GIMAP1: variants seen among roughly 807,000 people sequenced by gnomAD.
GIMAP1 encodes the protein GTPase IMAP family member 1.
For synonymous variants in GIMAP1, 230 were observed against 187.7 expected, an observed-to-expected ratio of 1.23 and a Z score of -1.84; for missense variants, 423 against 411.9, an observed-to-expected ratio of 1.03 and a Z score of -0.23.
At position 150,720,373 on chromosome 7, in the gene GIMAP1, G is replaced by A. The variant is rs995464428; in HGVS notation, c.369G>A (p.Arg123=). 1 of 1,605,210 alleles carries A rather than the reference G, an allele frequency of 6.2e-7. No homozygotes were observed. The highest frequency in any genetic ancestry group is 1.3e-5 in the African/African-American group (1 of 74,928). ...HALLLVTQLG[R]FTAQDQQAVR... ...TGCTCCTGGTGACCCAGTTGGGTCG[G>A]TTCACCGCCCAGGACCAGCAGGCGG... Residue 123 remains arginine (R), a synonymous_variant, in exon 3 of 3, where the codon CGG becomes CGA. Coordinates refer to ENST00000307194, the MANE Select transcript of GIMAP1 (RefSeq NM_130759.4). The surrounding 1 kb of genome is among the most constrained non-coding windows in gnomAD (Gnocchi z 4.5).
intron 2 of GIMAP1, among the ~76,000 whole-genome samples, 157 bp from the exon 3 acceptor site, chr7:150,719,891 G>T (rs1797270347): frequency 6.6e-6 from 1 of 152,254 alleles, no homozygotes; most frequent in African/African-American, 2.4e-5. Context: ...ATCTACTGGT[G>T]CAGGCAGACA....
chr7:150,720,493 C>G lies in GIMAP1; in HGVS notation c.489C>G (p.His163Gln), dbSNP rs142477944. ...RKEDLAGGSL[H>Q]DYVSNTENRA... The stretch of plus-strand genomic sequence containing the variant: ...AGGACCTGGCCGGGGGCTCCCTGCA[C>G]GATTACGTGAGCAACACAGAGAACC... The change falls in exon 3 of 3, where the codon CAC (histidine) becomes CAG (glutamine). Residue 163 changes from histidine (H) to glutamine (Q), a missense_variant. His to Gln is a conservative substitution (Grantham distance 24). Transcript: ENST00000307194. The surrounding 1 kb of genome is among the most constrained non-coding windows in gnomAD (Gnocchi z 4.5). The G allele has an allele frequency of 1.9e-6, 3 of 1,582,144 alleles. No homozygotes were observed. Among genetic ancestry groups the G allele is most frequent in the Non-Finnish European group, 2.6e-6 (3 of 1,163,720 alleles).
chr7:150,723,040 T>A lies in GIMAP1; in HGVS notation c.*2115T>A, dbSNP rs1797330829. ...CTCAGTAATAAAAAGTAGTAGTATA[T>A]GGTTAATTGTCAAATACATTTGCAA... On this transcript the variant is annotated 3_prime_UTR_variant, in exon 3 of 3. Coordinates refer to ENST00000307194, the MANE Select transcript of GIMAP1 (RefSeq NM_130759.4). 6.6e-6 allele frequency: 1 copy of A among 152,204 alleles called. No individual in the cohort carries two copies. The allele number at this position is 152,204 out of a possible 1,614,324, so 9.4% of individuals were successfully genotyped here.
In GIMAP1 at chr7:150,719,101, A is replaced by C; in HGVS notation, c.43+11A>C. On this transcript the variant is annotated intron_variant, in intron 2 of 2. Coordinates refer to ENST00000307194, the MANE Select transcript of GIMAP1 (RefSeq NM_130759.4). ...AAGAAAATGTCTATGGTAAGACCAT[A>C]TCTCTACACCTCATACTTGCCCCCC... is the stretch of plus-strand genomic sequence containing the variant. 6.2e-7 allele frequency: 1 copy of C among 1,614,210 alleles called. No individual in the cohort carries two copies. The highest frequency in any genetic ancestry group is 8.5e-7 in the Non-Finnish European group (1 of 1,180,036).
rs950375538 is a variant in GIMAP1, at chr7:150,721,004, A to G, written c.*79A>G. 8.3e-5 allele frequency: 108 copies of G among 1,299,032 alleles called. No individual in the cohort carries two copies. Among genetic ancestry groups the G allele is most frequent in the Non-Finnish European group, 1.0e-4 (102 of 979,926 alleles). The allele number at this position is 1,299,032 out of a possible 1,614,324, so 80.5% of individuals were successfully genotyped here. ...GAGCTGAAGGGAAAACTTCATTCCA[A>G]CGGAAGGAATCCTGTAGTTTCAGGC... is the stretch of plus-strand genomic sequence containing the variant. On this transcript the variant is annotated 3_prime_UTR_variant, in exon 3 of 3. Transcript: ENST00000307194.
rs1174721799 is a variant in GIMAP1 at position 150,721,944 on chromosome 7, G to A, written c.*1019G>A. On this transcript the variant is annotated 3_prime_UTR_variant, in exon 3 of 3. Coordinates refer to ENST00000307194, the MANE Select transcript of GIMAP1 (RefSeq NM_130759.4). ...AGTCTGTATCTCGAGCTCCTCTCTG[G>A]TTATGGAGAAGAGGCAGAGCACCAG... is the stretch of plus-strand genomic sequence containing the variant. 6.6e-6 allele frequency: 1 copy of A among 151,100 alleles called. No homozygotes were observed. The highest frequency in any genetic ancestry group is 1.5e-5 in the Non-Finnish European group (1 of 68,034). The allele number at this position is 151,100 out of a possible 1,614,324, so 9.4% of individuals were successfully genotyped here.
rs1263453341 is a variant in GIMAP1 at position 150,720,907 on chromosome 7, G to A, written c.903G>A (p.Ala301=). ...LLHRRWSEAV[A]EVGPD ...ACAGGCGGTGGTCGGAGGCCGTTGCGGAGGTCGGGCCTGACTGACAGCGCA... is the reference window on the plus strand; with the variant it reads ...ACAGGCGGTGGTCGGAGGCCGTTGCAGAGGTCGGGCCTGACTGACAGCGCA... Residue 301 remains alanine, a synonymous_variant, in exon 3 of 3, where the codon GCG becomes GCA. Coordinates refer to ENST00000307194, the MANE Select transcript of GIMAP1 (RefSeq NM_130759.4). This position sits in a 1 kb window ranked among gnomAD's most constrained non-coding sequence, Gnocchi z 4.5. The A allele has an allele frequency of 2.5e-5, 39 of 1,579,274 alleles. No homozygotes were observed. The highest frequency in any genetic ancestry group is 3.0e-5 in the Non-Finnish European group (35 of 1,168,802).
Position 150,720,420 on chromosome 7 carries a change from T to C in GIMAP1, c.416T>C (p.Phe139Ser), listed in dbSNP as rs1797280800. The change falls in exon 3 of 3, where the codon TTC (phenylalanine) becomes TCC (serine). Residue 139 changes from phenylalanine (F) to serine (S), a missense_variant. Coordinates refer to ENST00000307194, the MANE Select transcript of GIMAP1 (RefSeq NM_130759.4). This position sits in a 1 kb window ranked among gnomAD's most constrained non-coding sequence, Gnocchi z 4.5. Reference protein sequence around the residue: ...QQAVRQVRDMFGEDVLKWMVI... With the variant: ...QQAVRQVRDMSGEDVLKWMVI... Reference sequence around the variant, plus strand: ...GCGGTGAGGCAGGTGAGGGACATGTTCGGGGAGGACGTCCTAAAATGGATG... The same window carrying C: ...GCGGTGAGGCAGGTGAGGGACATGTCCGGGGAGGACGTCCTAAAATGGATG... The C allele has an allele frequency of 6.3e-7, 1 of 1,579,914 alleles. No homozygotes were observed. The highest frequency in any genetic ancestry group is 8.6e-7 in the Non-Finnish European group (1 of 1,161,284).
In GIMAP1 at chr7:150,721,801, A is replaced by G. The variant is rs1797308086; in HGVS notation, c.*876A>G. On this transcript the variant is annotated 3_prime_UTR_variant, in exon 3 of 3. Transcript: ENST00000307194. ...AAAGCAAGAATCTGTCTCAAAAAAA[A>G]AAAAAGAAAAGAAAAGAAAAAGAAA... is the stretch of plus-strand genomic sequence containing the variant. 7.0e-6 allele frequency: 1 copy of G among 142,528 alleles called. No homozygotes were observed. The highest frequency in any genetic ancestry group is 1.5e-5 in the Non-Finnish European group (1 of 67,328). The allele number at this position is 142,528 out of a possible 1,614,324, so 8.8% of individuals were successfully genotyped here. A position where few individuals can be genotyped will look rare whatever the true frequency, so the allele number is the denominator to read the frequency against.
rs1468419330 is a variant in GIMAP1, at chr7:150,720,527, C to T, written c.523C>T (p.Arg175Cys). 1 of 1,605,254 alleles carries T rather than the reference C, an allele frequency of 6.2e-7. No individual in the cohort carries two copies. The highest frequency in any genetic ancestry group is 1.7e-5 in the Admixed American group (1 of 59,206). The stretch of plus-strand genomic sequence containing the variant: ...GAGCAACACAGAGAACCGGGCCTTG[C>T]GCGAGCTGGTGGCCGAGTGCGGGGG... ...YVSNTENRALRELVAECGGRV... is the reference protein window; with the variant it reads ...YVSNTENRALCELVAECGGRV... Residue 175 changes from arginine to cysteine, a missense_variant, in exon 3 of 3, where the codon CGC (arginine) becomes TGC (cysteine). Physicochemically the swap from Arg to Cys is radical, Grantham distance 180 (BLOSUM62 -3). Coordinates refer to ENST00000307194, the MANE Select transcript of GIMAP1 (RefSeq NM_130759.4). The surrounding 1 kb of genome is among the most constrained non-coding windows in gnomAD (Gnocchi z 4.5).
intron 1 of GIMAP1, among the ~76,000 whole-genome samples, chr7:150,718,323 G>C (rs1170110575): frequency 1.3e-5 from 2 of 152,164 alleles, no homozygotes; most frequent in African/African-American, 4.8e-5. Flanking sequence ...AAGTGTTCAA[G>C]TCTCTCCAGC....
intron 1 of GIMAP1, among the ~76,000 whole-genome samples, chr7:150,718,152 T>C (rs1469990744): frequency 6.6e-6 from 1 of 152,146 alleles, no homozygotes; most frequent in Non-Finnish European, 1.5e-5. Flanking sequence ...GGGTATTGTC[T>C]GGGAATGAGG....
In GIMAP1 at chr7:150,720,735, C is replaced by T. The variant is rs1241351856; in HGVS notation, c.731C>T (p.Ala244Val). ...CCTGAGGAGCGGCTCCGGCGGGTGG[C>T]GGAGCGCGTGGCAGCCAGGGTGCAG... ...AGPEERLRRV[A>V]ERVAARVQRR... Residue 244 changes from alanine to valine, a missense_variant, in exon 3 of 3, where the codon GCG becomes GTG. Coordinates refer to ENST00000307194, the MANE Select transcript of GIMAP1 (RefSeq NM_130759.4). This position sits in a 1 kb window ranked among gnomAD's most constrained non-coding sequence, Gnocchi z 4.5. 3 of 1,565,508 alleles carry T rather than the reference C, an allele frequency of 1.9e-6. No individual in the cohort carries two copies. Among genetic ancestry groups the T allele is most frequent in the Admixed American group, 3.8e-5 (2 of 52,388 alleles).
intron 2 of GIMAP1, 53 bp from the exon 3 acceptor site, chr7:150,719,995 C>T: frequency 6.7e-7 from 1 of 1,502,818 alleles, no homozygotes; most frequent in South Asian, 1.3e-5. Flanking sequence ...GATTCCAGTT[C>T]CCAAGGGGAA....
At position 150,720,849 on chromosome 7, in the gene GIMAP1, T is replaced by G; in HGVS notation, c.845T>G (p.Leu282Arg). 2 of 1,606,146 alleles carry G rather than the reference T, an allele frequency of 1.2e-6. No individual in the cohort carries two copies. The highest frequency in any genetic ancestry group is 8.5e-7 in the Non-Finnish European group (1 of 1,178,760). ...TGGAGGCTGGGCCTGGCCCTGCTGC[T>G]GGGGGGCGCGCTCCTGTTCTGGGTG... ...RSWRLGLALL[L>R]GGALLFWVLL... Residue 282 changes from leucine (L) to arginine (R), a missense_variant, in exon 3 of 3, where the codon CTG becomes CGG. Leu to Arg is a moderately radical substitution (Grantham distance 102). Transcript: ENST00000307194. The surrounding 1 kb of genome is among the most constrained non-coding windows in gnomAD (Gnocchi z 4.5).
intron 1 of GIMAP1, among the ~76,000 whole-genome samples, chr7:150,718,012 A>G (rs1192884677): frequency 6.6e-6 from 1 of 152,164 alleles, no homozygotes; most frequent in African/African-American, 2.4e-5. Context: ...AGGGTGCAAG[A>G]CACAACAAGT....
Position 150,722,931 on chromosome 7 carries a change from C to G in GIMAP1, c.*2006C>G, listed in dbSNP as rs1403466454. 2 of 152,200 alleles carry G rather than the reference C, an allele frequency of 1.3e-5. No individual in the cohort carries two copies. The highest frequency in any genetic ancestry group is 2.9e-5 in the Non-Finnish European group (2 of 68,032). 9.4% of individuals were successfully genotyped at this position (152,200 alleles called of 1,614,324 possible). ...CTGGTGAGTGTGTTTTATGGAGAGA[C>G]TCTTTCACCTCTTCCCTTTCAGCTT... is the stretch of plus-strand genomic sequence containing the variant. On this transcript the variant is annotated 3_prime_UTR_variant, in exon 3 of 3. Coordinates refer to ENST00000307194, the MANE Select transcript of GIMAP1 (RefSeq NM_130759.4).
intron 2 of GIMAP1, 93 bp from the exon 3 acceptor site, chr7:150,719,955 A>T (rs1797271057): frequency 2.1e-5 from 31 of 1,471,866 alleles, no homozygotes; most frequent in Non-Finnish European, 2.8e-5. Context: ...TCAAATCTCT[A>T]TTCTTAACCA....
Position 150,720,782 on chromosome 7 carries a change from C to G in GIMAP1, c.778C>G (p.Leu260Val). The G allele has an allele frequency of 6.3e-7, 1 of 1,577,530 alleles. No individual in the cohort carries two copies. Reference sequence around the variant, plus strand: ...GCAGAGGAGGCCATGGGGCGCCTGGCTGTCGGCCCGGCTGTGGAAGTGGCT... The same window carrying G: ...GCAGAGGAGGCCATGGGGCGCCTGGGTGTCGGCCCGGCTGTGGAAGTGGCT... ...RVQRRPWGAW[L>V]SARLWKWLKS... Residue 260 changes from leucine (L) to valine (V), a missense_variant, in exon 3 of 3, where the codon CTG (leucine) becomes GTG (valine). Leu to Val is a conservative substitution (Grantham distance 32). Transcript: ENST00000307194. The surrounding 1 kb of genome is among the most constrained non-coding windows in gnomAD (Gnocchi z 4.5).
Sources: allele counts gnomAD v4.1 joint callset (sites outside exome capture counted in the v4.1 genomes callset), GRCh38; gene constraint gnomAD v4.1.1; non-coding constraint Gnocchi (gnomAD v3.1); transcripts MANE v1.5; gene names NCBI Gene and HGNC (gene_info 2026-07-23, HGNC 2026-07-21).